Variants in MTMR3 observed in about 807,000 individuals in gnomAD.
The protein encoded by MTMR3 is phosphatidylinositol-3,5-bisphosphate 3-phosphatase MTMR3.
In MTMR3, 32 loss-of-function variants were observed where a neutral mutation model predicts 132.4. That is an observed-to-expected ratio of 0.24 (90% CI 0.18 to 0.32). MTMR3 has a LOEUF of 0.32. Ranked by LOEUF, MTMR3 falls within the 10% of genes least tolerant of loss-of-function variation. The pLI is 1.00. For missense variants in MTMR3, 1,216 were observed against 1,489.6 expected (o/e 0.82, Z 3.02); for synonymous variants, 556 against 550.3 (o/e 1.01, Z -0.14).
intron 1 of MTMR3, among the ~76,000 whole-genome samples, chr22:29,936,629 G>A (rs1322529710): frequency 6.6e-6 from 1 of 152,126 alleles, no homozygotes; most frequent in African/African-American, 2.4e-5. Flanking sequence ...TTTAATAAGT[G>A]TTCAACTTTA....
At chr22:29,905,291 G>A (rs910162476) in intron 1 of MTMR3, among the ~76,000 whole-genome samples, 5 of 152,080 alleles carry the variant, frequency 3.3e-5, no homozygotes, top group Admixed American at 1.3e-4. Flanking sequence ...TTCACATCCC[G>A]AGAATACTTT....
At position 29,970,967 on chromosome 22, in the gene MTMR3, C is replaced by A. The variant is rs1242443588; in HGVS notation, c.-84-9C>A. 1.1e-5 allele frequency: 11 copies of A among 969,972 alleles called. No homozygotes were observed. Among genetic ancestry groups the A allele is most frequent in the East Asian group, 3.0e-5 (1 of 33,112 alleles). 60.1% of individuals were successfully genotyped at this position (969,972 alleles called of 1,614,324 possible). A position where few individuals can be genotyped will look rare whatever the true frequency, so the allele number is the denominator to read the frequency against. ...TTTTCTTCTTCCCCCTCTTCCCCCCCACCCCCAGACTTCACCATAAGGGAA... is the reference window on the plus strand; with the variant it reads ...TTTTCTTCTTCCCCCTCTTCCCCCCAACCCCCAGACTTCACCATAAGGGAA... On this transcript the variant is annotated splice_polypyrimidine_tract_variant and intron_variant, in intron 2 of 19. Coordinates refer to ENST00000401950, the MANE Select transcript of MTMR3 (RefSeq NM_021090.4).
At chr22:29,960,945 A>G (rs1271819337) in intron 2 of MTMR3, among the ~76,000 whole-genome samples, 1 of 152,200 alleles carries the variant, frequency 6.6e-6, no homozygotes, top group Non-Finnish European at 1.5e-5. Flanking sequence ...TTAAAAACTG[A>G]AAGTTGCTGC....
chr22:29,977,487 C>A (rs117145764), intron 3 of MTMR3, among the ~76,000 whole-genome samples: 425 of 152,282 alleles, frequency 2.8e-3, no homozygotes, highest in Non-Finnish European at 5.2e-3. Context: ...TAACAGAAAT[C>A]TATTTTGTAA....
intron 1 of MTMR3, among the ~76,000 whole-genome samples, chr22:29,917,358 C>A (rs2065328267): frequency 6.6e-6 from 1 of 152,154 alleles, no homozygotes; most frequent in Admixed American, 6.6e-5. Flanking sequence ...ACCAGAGGAG[C>A]CAAGTGGCTC....
intron 1 of MTMR3, among the ~76,000 whole-genome samples, chr22:29,883,570 G>C (rs1394923774): frequency 6.6e-6 from 1 of 152,066 alleles, no homozygotes; most frequent in African/African-American, 2.4e-5. Context: ...GAGTGGGAAT[G>C]GGAGCTCGGC....
chr22:29,926,530 C>T (rs1466986487), intron 1 of MTMR3, among the ~76,000 whole-genome samples: 1 of 152,178 alleles, frequency 6.6e-6, no homozygotes, highest in Non-Finnish European at 1.5e-5. Flanking sequence ...TTTAATTTCT[C>T]CACATTCTTG....
At chr22:29,924,993 A>G (rs1351333475) in intron 1 of MTMR3, among the ~76,000 whole-genome samples, 3 of 152,202 alleles carry the variant, frequency 2.0e-5, no homozygotes, top group Non-Finnish European at 4.4e-5. Flanking sequence ...GGCTTTTAAA[A>G]TGTTTGGCAT....
chr22:30,020,093 A>G lies in MTMR3; in HGVS notation c.2434A>G (p.Ile812Val), dbSNP rs762994121. The G allele has an allele frequency of 4.3e-6, 7 of 1,614,088 alleles. No individual in the cohort carries two copies. Among genetic ancestry groups the G allele is most frequent in the South Asian group, 2.2e-5 (2 of 91,086 alleles). ...AEGREEAVLP[I>V]PVDAKVGYGT... ...GGGTAGGGAGGAAGCAGTTCTTCCA[A>G]TCCCAGTAGATGCAAAAGTTGGCTA... is the stretch of plus-strand genomic sequence containing the variant. The change falls in exon 17 of 20, where the codon ATC (isoleucine) becomes GTC (valine). Residue 812 changes from isoleucine (I) to valine (V), a missense_variant. Around this residue, in one of 7 missense-constraint regions of MTMR3, gnomAD observed 852 missense variants for 852.0 expected, o/e 1.00. Coordinates refer to ENST00000401950, the MANE Select transcript of MTMR3 (RefSeq NM_021090.4).
At chr22:30,018,315 C>T in intron 16 of MTMR3, 1 of 435,054 alleles carries the variant, frequency 2.3e-6, no homozygotes, top group Non-Finnish European at 4.0e-6. Context: ...AGCCGCTCCT[C>T]AGTGATAGAG....
intron 1 of MTMR3, among the ~76,000 whole-genome samples, chr22:29,922,356 G>A (rs1262379612): frequency 1.3e-5 from 2 of 152,126 alleles, no homozygotes; most frequent in African/African-American, 2.4e-5. Flanking sequence ...ATACTCCATC[G>A]TGTGTAGACT....
chr22:29,976,370 A>G (rs2066629978), intron 3 of MTMR3, among the ~76,000 whole-genome samples: 1 of 151,954 alleles, frequency 6.6e-6, no homozygotes, highest in Admixed American at 6.6e-5. Context: ...TTTTTCCATC[A>G]GTTGTTCTTC....
intron 1 of MTMR3, among the ~76,000 whole-genome samples, chr22:29,936,723 G>A (rs962994078): frequency 2.6e-5 from 4 of 152,042 alleles, no homozygotes; most frequent in African/African-American, 9.7e-5. Flanking sequence ...AATCTGTAGT[G>A]GAACATTATT....
intron 1 of MTMR3, among the ~76,000 whole-genome samples, chr22:29,931,396 G>A (rs917555235): frequency 1.8e-4 from 27 of 152,102 alleles, no homozygotes; most frequent in African/African-American, 6.3e-4. Flanking sequence ...ATAGTATTTA[G>A]TTTCTGCCAA....
chr22:29,970,331 G>A (rs1303649876), intron 2 of MTMR3, among the ~76,000 whole-genome samples: 1 of 151,788 alleles, frequency 6.6e-6, no homozygotes, highest in African/African-American at 2.4e-5. Flanking sequence ...GCATTTGCAG[G>A]TTGATGTTAT....
intron 1 of MTMR3, among the ~76,000 whole-genome samples, chr22:29,931,877 G>T (rs141530307): frequency 6.6e-6 from 1 of 150,436 alleles, no homozygotes; most frequent in East Asian, 2.0e-4. Flanking sequence ...GCAATGTCAC[G>T]GATTTATCAA....
intron 1 of MTMR3, among the ~76,000 whole-genome samples, chr22:29,918,257 T>A (rs944109462): frequency 6.6e-6 from 1 of 152,248 alleles, no homozygotes; most frequent in Non-Finnish European, 1.5e-5. Flanking sequence ...AGTGCTTTCT[T>A]ACACTAATAT....
chr22:29,894,060 G>T (rs533515895), intron 1 of MTMR3, among the ~76,000 whole-genome samples: 7 of 152,254 alleles, frequency 4.6e-5, no homozygotes, highest in African/African-American at 1.7e-4. Flanking sequence ...GGCCAGGCTG[G>T]TCTTGAACTC....
intron 1 of MTMR3, among the ~76,000 whole-genome samples, chr22:29,886,053 C>G (rs1278871281): frequency 1.3e-5 from 2 of 152,098 alleles, no homozygotes; most frequent in Non-Finnish European, 2.9e-5. Flanking sequence ...CCCTGGTGTC[C>G]CCAGTATCCA....
Sources: gnomAD v4.1 joint callset for allele counts (sites outside exome capture counted in the v4.1 genomes callset) on GRCh38, gnomAD v4.1.1 for gene constraint, gnomAD v4.1.1 regional missense constraint, MANE v1.5 for transcripts, NCBI Gene and HGNC (gene_info 2026-07-23, HGNC 2026-07-21) for gene names.